SETD1A: variants seen among roughly 807,000 people sequenced by gnomAD.
SETD1A encodes histone-lysine N-methyltransferase SETD1A.
Under a neutral mutation model 149.9 loss-of-function variants are expected in SETD1A, and 29 were observed. The ratio of observed to expected loss-of-function variants is 0.19; its 90% CI spans 0.14 to 0.26. SETD1A has a LOEUF of 0.26. SETD1A is among the 10% of genes least tolerant of loss of function. The pLI, the probability that SETD1A is intolerant of heterozygous loss-of-function variation, is 1.00. For synonymous variants in SETD1A, 1,141 were observed against 968.5 expected (o/e 1.18, Z -3.31); for missense variants, 2,109 against 2,353.1 (o/e 0.90, Z 2.15).
At chr16:30,970,153 G>A (rs1486997372) in intron 12 of SETD1A, among the ~76,000 whole-genome samples, 1 of 151,680 alleles carries the variant, frequency 6.6e-6, no homozygotes, top group African/African-American at 2.4e-5. Context: ...ATTTTTAGTA[G>A]AGACAGGGTT....
At chr16:30,971,170 CAG>C (rs1401458256) in intron 12 of SETD1A, among the ~76,000 whole-genome samples, 4 of 152,198 alleles carry the variant, frequency 2.6e-5, no homozygotes, top group Non-Finnish European at 5.9e-5. Context: ...CCTCTTCAGA[CAG>C]AGTCTGGGGC....
intron 8 of SETD1A, 32 bp from the exon 9 acceptor site, chr16:30,966,852 G>A (rs1339863937): frequency 6.6e-7 from 1 of 1,521,708 alleles, no homozygotes; most frequent in East Asian, 2.5e-5. Flanking sequence ...TGGGTTCTGG[G>A]CGCTGGGGCT....
chr16:30,966,656 T>G (rs2056151701), intron 8 of SETD1A, among the ~76,000 whole-genome samples: 1 of 152,228 alleles, frequency 6.6e-6, no homozygotes. Context: ...CAAGCTTTGG[T>G]CTTCCATTTT....
intron 5 of SETD1A, among the ~76,000 whole-genome samples, chr16:30,963,799 TG>T (rs2056090430): frequency 6.6e-6 from 1 of 152,188 alleles, no homozygotes; most frequent in South Asian, 2.1e-4. Flanking sequence ...GAAACCATCC[TG>T]ACTAACACGG....
chr16:30,969,329 G>C lies in SETD1A; in HGVS notation c.2795G>C (p.Gly932Ala). ...EDDPEQEKEAGEPGRPGTKPP... is the reference protein window; with the variant it reads ...EDDPEQEKEAAEPGRPGTKPP... ...GACCCTGAACAAGAGAAGGAGGCTGGAGAGCCAGGACGTCCGGGGACCAAG... is the reference window on the plus strand; with the variant it reads ...GACCCTGAACAAGAGAAGGAGGCTGCAGAGCCAGGACGTCCGGGGACCAAG... Residue 932 changes from glycine to alanine, a missense_variant, in exon 11 of 19, where the codon GGA (glycine) becomes GCA (alanine). Gly to Ala is a moderately conservative substitution (Grantham distance 60, BLOSUM62 0). Around this residue, in one of 8 missense-constraint regions of SETD1A, gnomAD observed 832 missense variants for 815.6 expected, o/e 1.02. Coordinates refer to ENST00000262519, the MANE Select transcript of SETD1A (RefSeq NM_014712.3). The C allele has an allele frequency of 5.6e-6, 9 of 1,614,140 alleles. No individual in the cohort carries two copies. The highest frequency in any genetic ancestry group is 7.6e-6 in the Non-Finnish European group (9 of 1,180,010).
At chr16:30,973,580 G>A (rs1395419740) in intron 13 of SETD1A, among the ~76,000 whole-genome samples, 2 of 152,224 alleles carry the variant, frequency 1.3e-5, no homozygotes, top group East Asian at 1.9e-4. Context: ...GCTTGAACCC[G>A]GGAGGTGGAT....
At chr16:30,982,542 C>T (rs1596696070) in intron 17 of SETD1A, among the ~76,000 whole-genome samples, 2 of 151,680 alleles carry the variant, frequency 1.3e-5, no homozygotes, top group Admixed American at 6.6e-5. Flanking sequence ...TCAGTGGCAG[C>T]GACGTGTGGC....
rs201219361 is a variant in SETD1A, at chr16:30,983,627, C to A, written c.4813-8C>A. ...CTCTTCCCTGACCATCGCATCTCAC[C>A]CTGGCAGATGGTGGCCGACATGCGG... On this transcript the variant is annotated splice_region_variant and splice_polypyrimidine_tract_variant and intron_variant, in intron 17 of 18. Coordinates refer to ENST00000262519, the MANE Select transcript of SETD1A (RefSeq NM_014712.3). The surrounding 1 kb of genome is among the most constrained non-coding windows in gnomAD (Gnocchi z 6.8). 14 of 1,611,054 alleles carry A rather than the reference C, an allele frequency of 8.7e-6. No individual in the cohort carries two copies. The East Asian group carries it at 3.1e-4, about 36-fold the overall frequency.
In SETD1A at chr16:30,961,422, C is replaced by T. The variant is rs765190820; in HGVS notation, c.402C>T (p.His134=). The stretch of plus-strand genomic sequence containing the variant: ...TCCTTCACCCCCGTACGCGCAAGCA[C>T]CTGGGCCTGGCCCGTGTGCTCTTCA... The part of the protein sequence containing the change: ...EILLHPRTRK[H]LGLARVLFTS... Residue 134 remains histidine (H), a synonymous_variant, in exon 4 of 19, where the codon CAC becomes CAT. Coordinates refer to ENST00000262519, the MANE Select transcript of SETD1A (RefSeq NM_014712.3). This position sits in a 1 kb window ranked among gnomAD's most constrained non-coding sequence, Gnocchi z 4.0. The T allele has an allele frequency of 1.9e-6, 3 of 1,614,194 alleles. No homozygotes were observed. The highest frequency in any genetic ancestry group is 2.2e-5 in the South Asian group (2 of 91,082).
intron 13 of SETD1A, 79 bp downstream of exon 13, chr16:30,971,798 T>G: frequency 6.9e-7 from 1 of 1,456,616 alleles, no homozygotes; most frequent in Non-Finnish European, 9.1e-7. Flanking sequence ...GCATTTATTG[T>G]GTACAAGTGT....
chr16:30,970,889 G>A (rs116096471), intron 12 of SETD1A, among the ~76,000 whole-genome samples: 1,574 of 152,222 alleles, frequency 0.01, 35 homozygotes, highest in African/African-American at 0.036. Context: ...CAGTTTTTTC[G>A]AGTCCTTCCC....
At chr16:30,971,248 T>A (rs1351209759) in intron 12 of SETD1A, 130 bp from the exon 13 acceptor site, 3 of 920,588 alleles carry the variant, frequency 3.3e-6, no homozygotes, top group East Asian at 5.2e-5. Flanking sequence ...CTTATGCAGC[T>A]CCTTGGTCTG....
Position 30,979,762 on chromosome 16 carries a change from G to A in SETD1A, c.3976G>A (p.Ala1326Thr), listed in dbSNP as rs756711740. The A allele has an allele frequency of 2.0e-5, 32 of 1,594,634 alleles. No homozygotes were observed. Among genetic ancestry groups the A allele is most frequent in the African/African-American group, 4.0e-5 (3 of 74,830 alleles). The part of the protein sequence containing the change: ...RPPEPVPAPA[A>T]LFSSPADEVL... ...CCCGGAGCCAGTGCCCGCACCCGCC[G>A]CCCTCTTCAGTTCCCCAGCTGATGA... The change falls in exon 14 of 19, where the codon GCC becomes ACC. Residue 1326 changes from alanine (A) to threonine (T), a missense_variant. By Grantham distance (58) the Ala-to-Thr change is moderately conservative. This residue lies in a region of SETD1A where 832 missense variants were observed against 815.6 expected (regional missense o/e 1.02). Transcript: ENST00000262519.
At position 30,979,595 on chromosome 16, in the gene SETD1A, C is replaced by A; in HGVS notation, c.3809C>A (p.Ala1270Asp). Reference sequence around the variant, plus strand: ...ACCCCTGCCCGGCGCGGGCTGCCTGCCCTGCCTGCTGTTGAAGACTCAGAG... The same window carrying A: ...ACCCCTGCCCGGCGCGGGCTGCCTGACCTGCCTGCTGTTGAAGACTCAGAG... ...ALTPARRGLP[A>D]LPAVEDSEAT... Residue 1270 changes from alanine (A) to aspartate (D), a missense_variant, in exon 14 of 19, where the codon GCC (alanine) becomes GAC (aspartate). Physicochemically the swap from Ala to Asp is moderately radical, Grantham distance 126. This residue lies in a region of SETD1A where 832 missense variants were observed against 815.6 expected (regional missense o/e 1.02). Coordinates refer to ENST00000262519, the MANE Select transcript of SETD1A (RefSeq NM_014712.3). The A allele has an allele frequency of 6.2e-7, 1 of 1,611,072 alleles. No homozygotes were observed. The highest frequency in any genetic ancestry group is 8.5e-7 in the Non-Finnish European group (1 of 1,179,722).
Position 30,979,788 on chromosome 16 carries a change from G to A in SETD1A, c.4002G>A (p.Glu1334=). The part of the protein sequence containing the change: ...PAALFSSPAD[E]VLEAPEVVVA... ...CCCTCTTCAGTTCCCCAGCTGATGA[G>A]GTCCTGGAGGCCCCCGAGGTGGTGG... Residue 1334 remains glutamate, a synonymous_variant, in exon 14 of 19, where the codon GAG becomes GAA. Coordinates refer to ENST00000262519, the MANE Select transcript of SETD1A (RefSeq NM_014712.3). 1.3e-6 allele frequency: 2 copies of A among 1,584,700 alleles called. No individual in the cohort carries two copies. The highest frequency in any genetic ancestry group is 8.5e-7 in the Non-Finnish European group (1 of 1,172,622).
rs747247776 is a variant in SETD1A, at chr16:30,969,417, G to C, written c.2883G>C (p.Leu961=). 1.1e-5 allele frequency: 17 copies of C among 1,613,872 alleles called. No homozygotes were observed. The highest frequency in any genetic ancestry group is 1.4e-5 in the Non-Finnish European group (17 of 1,179,858). The part of the protein sequence containing the change: ...TQGKHRKSFA[L]DSEGEEASQE... ...GCAAGCACCGCAAGTCCTTTGCTCT[G>C]GACAGCGAAGGGGAGGAGGCATCCC... Residue 961 remains leucine (L), a synonymous_variant, in exon 11 of 19, where the codon CTG becomes CTC. Transcript: ENST00000262519.
At chr16:30,976,893 G>A (rs746508299) in intron 13 of SETD1A, among the ~76,000 whole-genome samples, 4 of 152,058 alleles carry the variant, frequency 2.6e-5, no homozygotes, top group Admixed American at 6.6e-5. Flanking sequence ...CTGAGTTACC[G>A]AGGACAGAGG....
chr16:30,965,008 C>T lies in SETD1A; in HGVS notation c.1266C>T (p.Asp422=). Reference sequence around the variant, plus strand: ...CCCCCGAGCCCAGCCGGCCCACCGACCAGGACTACCGGCCTCCTGCCTCAG... The same window carrying T: ...CCCCCGAGCCCAGCCGGCCCACCGATCAGGACTACCGGCCTCCTGCCTCAG... ...YLPPEPSRPT[D]QDYRPPASEA... Residue 422 remains aspartate (D), a synonymous_variant, in exon 7 of 19, where the codon GAC becomes GAT. Coordinates refer to ENST00000262519, the MANE Select transcript of SETD1A (RefSeq NM_014712.3). The T allele has an allele frequency of 6.2e-7, 1 of 1,613,754 alleles. No individual in the cohort carries two copies. Among genetic ancestry groups the T allele is most frequent in the Non-Finnish European group, 8.5e-7 (1 of 1,180,002 alleles).
rs759894181 is a variant in SETD1A, at chr16:30,965,563, A to AGGC, written c.1720-37_1720-35dup. On this transcript the variant is annotated intron_variant, in intron 7 of 18. Transcript: ENST00000262519. ...CAGATGAGAAAGTAGGGCTTGGGTC[A>AGGC]GGCAGAAGCCTTCTGTGACCCTCTT... The AGGC allele has an allele frequency of 7.5e-6, 12 of 1,602,922 alleles. No individual in the cohort carries two copies. The South Asian group carries it at 1.3e-4, about 18-fold the overall frequency.
Sources: gnomAD v4.1 joint callset for allele counts (sites outside exome capture counted in the v4.1 genomes callset) on GRCh38, gnomAD v4.1.1 for gene constraint, gnomAD v4.1.1 regional missense constraint, Gnocchi (gnomAD v3.1) non-coding constraint, MANE v1.5 for transcripts, NCBI Gene and HGNC (gene_info 2026-07-23, HGNC 2026-07-21) for gene names.